Variants in SLC30A8 observed in about 807,000 individuals in gnomAD.
The protein encoded by SLC30A8 is proton-coupled zinc antiporter SLC30A8.
SLC30A8 carries 27 observed loss-of-function variants against 36.9 expected under a neutral mutation model. The observed-to-expected ratio is 0.73, with a 90% CI of 0.54 to 1.01. SLC30A8 has a LOEUF of 1.01. SLC30A8 is among the 50% of genes least tolerant of loss of function. The pLI is 0.00. For synonymous variants in SLC30A8, 164 were observed against 172.4 expected (o/e 0.95, Z 0.38); for missense variants, 439 against 452.0 (o/e 0.97, Z 0.26).
rs182531696 is a variant in SLC30A8 at position 117,159,867 on chromosome 8, C to T, written c.573-1871C>T. ...CACATCAATCTGGGGCCTCAATGATCAGGTTTGATTTTCTAAACAGATATC... is the reference window on the plus strand; with the variant it reads ...CACATCAATCTGGGGCCTCAATGATTAGGTTTGATTTTCTAAACAGATATC... On this transcript the variant is annotated intron_variant, in intron 4 of 7. Coordinates refer to ENST00000456015, the MANE Select transcript of SLC30A8 (RefSeq NM_173851.3). Among the ~76,000 whole-genome samples the T allele has an allele frequency of 3.3e-5, 5 of 152,316 alleles. No individual in the cohort carries two copies. The East Asian group carries it at 9.6e-4, about 29-fold the overall frequency.
intron 2 of SLC30A8, among the ~76,000 whole-genome samples, chr8:117,094,160 C>G (rs1415413641): frequency 6.6e-6 from 1 of 152,252 alleles, no homozygotes; most frequent in African/African-American, 2.4e-5. Context: ...CTCATCTTCT[C>G]TCTCTTCTCC....
chr8:116,979,495 C>T (rs1443056927), intron 1 of SLC30A8, among the ~76,000 whole-genome samples: 1 of 152,144 alleles, frequency 6.6e-6, no homozygotes, highest in Non-Finnish European at 1.5e-5. Flanking sequence ...ATTAGTGGTC[C>T]TCTGATGAGA....
At chr8:117,112,152 T>C (rs1252554247) in intron 2 of SLC30A8, among the ~76,000 whole-genome samples, 1 of 152,166 alleles carries the variant, frequency 6.6e-6, no homozygotes, top group African/African-American at 2.4e-5. Flanking sequence ...TGTGAAGATA[T>C]CACCTCATGG....
intron 1 of SLC30A8, among the ~76,000 whole-genome samples, chr8:116,966,644 T>C (rs1299005639): frequency 6.6e-6 from 1 of 152,184 alleles, no homozygotes; most frequent in Admixed American, 6.5e-5. Flanking sequence ...TATAAGGGGA[T>C]AAGATTCTAA....
intron 6 of SLC30A8, among the ~76,000 whole-genome samples, chr8:117,167,355 A>AAAAGT (rs1415656842): frequency 9.2e-5 from 14 of 152,118 alleles, no homozygotes; most frequent in Non-Finnish European, 1.9e-4. Flanking sequence ...AATAATACAG[A>AAAAGT]AAAGTATGAA....
Position 117,157,723 on chromosome 8 carries a change from ATC to A in SLC30A8, c.453_454del (p.Ile151MetfsTer13). On this transcript the variant is annotated frameshift_variant, in exon 4 of 8. Transcript: ENST00000456015. LOFTEE classifies it high-confidence loss of function. ...ILGALLSILC[I>X]WVVTGVLVYL... The stretch of plus-strand genomic sequence containing the variant: ...TGGTGCCCTGCTCTCCATCCTGTGC[ATC>A]TGGGTGGTGACTGGCGTGCTAGTGT... 1 of 1,613,764 alleles carries A rather than the reference ATC, an allele frequency of 6.2e-7. No homozygotes were observed. The highest frequency in any genetic ancestry group is 1.3e-5 in the African/African-American group (1 of 74,912).
rs11990353 is a variant in SLC30A8 at position 117,032,043 on chromosome 8, C to T, written c.-265-7176C>T. Among the ~76,000 whole-genome samples, 11 of 152,178 alleles carry T rather than the reference C, an allele frequency of 7.2e-5. No homozygotes were observed. The East Asian group carries it at 1.9e-3, about 27-fold the overall frequency. Reference sequence around the variant, plus strand: ...TTAAGGATTCCCCAAATTTATCTTGCGGTTGTATGCTCCCAAGCCTTTGAT... The same window carrying T: ...TTAAGGATTCCCCAAATTTATCTTGTGGTTGTATGCTCCCAAGCCTTTGAT... On this transcript the variant is annotated intron_variant, in intron 1 of 10. Transcript: ENST00000427715.
At chr8:117,171,236 T>A in intron 7 of SLC30A8, 68 bp downstream of exon 7, 1 of 1,531,878 alleles carries the variant, frequency 6.5e-7, no homozygotes, top group Non-Finnish European at 9.0e-7. Context: ...TAATTTCCCT[T>A]CTTTTTGTAG....
chr8:117,087,002 A>G (rs983282462), intron 2 of SLC30A8, among the ~76,000 whole-genome samples: 2 of 152,234 alleles, frequency 1.3e-5, no homozygotes, highest in African/African-American at 4.8e-5. Context: ...CTGTATGTAT[A>G]TAGGCATTTC....
At chr8:117,172,418 G>A in intron 7 of SLC30A8, 118 bp from the exon 8 acceptor site, 2 of 1,357,370 alleles carry the variant, frequency 1.5e-6, no homozygotes, top group Non-Finnish European at 2.1e-6. Flanking sequence ...CTTCCTCTGA[G>A]TGCCCTGCCT....
intron 1 of SLC30A8, among the ~76,000 whole-genome samples, chr8:117,004,301 A>C (rs1816103574): frequency 1.3e-5 from 2 of 152,262 alleles, no homozygotes; most frequent in African/African-American, 4.8e-5. Context: ...AAAGTTAGCC[A>C]CACAAGGGGA....
intron 1 of SLC30A8, among the ~76,000 whole-genome samples, chr8:117,005,314 T>C (rs531306964): frequency 6.6e-6 from 1 of 152,224 alleles, no homozygotes; most frequent in Non-Finnish European, 1.5e-5. Flanking sequence ...ATCACATAAA[T>C]CATATGTCTT....
chr8:117,052,202 G>A (rs1817731859), intron 2 of SLC30A8, among the ~76,000 whole-genome samples: 1 of 152,066 alleles, frequency 6.6e-6, no homozygotes, highest in Admixed American at 6.6e-5. Flanking sequence ...GTAGAGACAG[G>A]GTTTCATCAT....
At chr8:117,040,290 A>G (rs1178794419) in intron 2 of SLC30A8, among the ~76,000 whole-genome samples, 11 of 150,604 alleles carry the variant, frequency 7.3e-5, no homozygotes, top group Admixed American at 7.2e-4. Flanking sequence ...GAATTTCTAT[A>G]TAATATTACC....
intron 2 of SLC30A8, among the ~76,000 whole-genome samples, chr8:117,091,145 C>T (rs947701771): frequency 2.0e-5 from 3 of 152,072 alleles, no homozygotes; most frequent in African/African-American, 7.2e-5. Flanking sequence ...TCACAGAAAT[C>T]TTTCTAGAAT....
intron 2 of SLC30A8, among the ~76,000 whole-genome samples, chr8:117,042,908 T>G (rs1817431999): frequency 6.6e-6 from 1 of 152,202 alleles, no homozygotes. Context: ...ACTCCTGACC[T>G]CAGGTGATCC....
At chr8:117,134,568 A>AT (rs1295756257), upstream of SLC30A8, among the ~76,000 whole-genome samples, 2 of 151,922 alleles carry the variant, frequency 1.3e-5, no homozygotes, top group Non-Finnish European at 2.9e-5. Context: ...CCTTGGGTGA[A>AT]TCCTTGATCC....
chr8:117,025,485 C>G (rs963926), intron 1 of SLC30A8, among the ~76,000 whole-genome samples: 16,784 of 152,118 alleles, frequency 0.11, 1,150 homozygotes, highest in East Asian at 0.18. Flanking sequence ...CACAATTAAG[C>G]ATGTAATAAA....
At chr8:117,075,537 G>A (rs1444861762) in intron 2 of SLC30A8, among the ~76,000 whole-genome samples, 2 of 152,162 alleles carry the variant, frequency 1.3e-5, no homozygotes, top group African/African-American at 2.4e-5. Flanking sequence ...CTCATAAAAT[G>A]TCATTGTGAT....
Sources: allele counts gnomAD v4.1 joint callset (sites outside exome capture counted in the v4.1 genomes callset), GRCh38; gene constraint gnomAD v4.1.1; transcripts MANE v1.5; gene names NCBI Gene and HGNC (gene_info 2026-07-23, HGNC 2026-07-21).